Variants in ZMYM4 observed in about 807,000 individuals in gnomAD.
ZMYM4 encodes zinc finger MYM-type containing 4.
ZMYM4 carries 31 observed loss-of-function variants against 183.2 expected under a neutral mutation model. That is an observed-to-expected ratio of 0.17 (90% CI 0.13 to 0.23). ZMYM4 has a LOEUF of 0.23. ZMYM4 is among the 10% of genes least tolerant of loss of function. The pLI is 1.00. For missense variants in ZMYM4, 1,273 were observed against 1,840.3 expected (o/e 0.69, Z 5.64); for synonymous variants, 592 against 631.2 (o/e 0.94, Z 0.93).
At position 35,387,450 on chromosome 1, in the gene ZMYM4, G is replaced by A; in HGVS notation, c.2113-4G>A. ...ATTAGTACTTAATGATTATTTCTTT[G>A]CAGGGCAAAATGTTTCAGTTCTGTG... On this transcript the variant is annotated splice_polypyrimidine_tract_variant and splice_region_variant and intron_variant, in intron 12 of 29. Transcript: ENST00000314607. 1 of 1,600,466 alleles carries A rather than the reference G, an allele frequency of 6.2e-7. No individual in the cohort carries two copies. Among genetic ancestry groups the A allele is most frequent in the Non-Finnish European group, 8.5e-7 (1 of 1,175,286 alleles).
intron 7 of ZMYM4, among the ~76,000 whole-genome samples, chr1:35,379,523 G>T (rs928370247): frequency 6.6e-6 from 1 of 152,216 alleles, no homozygotes; most frequent in Non-Finnish European, 1.5e-5. Flanking sequence ...GGCGTGAGCC[G>T]CCACGCCCGG....
At chr1:35,274,873 A>G (rs958352600) in intron 1 of ZMYM4, among the ~76,000 whole-genome samples, 1 of 152,216 alleles carries the variant, frequency 6.6e-6, no homozygotes, top group Non-Finnish European at 1.5e-5. Context: ...TATGATGGCT[A>G]AATCAGGATC....
At chr1:35,297,431 C>T (rs1005902603) in intron 1 of ZMYM4, among the ~76,000 whole-genome samples, 1 of 150,428 alleles carries the variant, frequency 6.6e-6, no homozygotes, top group Admixed American at 6.7e-5. Flanking sequence ...GCTGAGGTTG[C>T]AGTGAGCCGA....
At chr1:35,331,793 A>AATAG (rs1553168584) in intron 2 of ZMYM4, among the ~76,000 whole-genome samples, 1 of 105,518 alleles carries the variant, frequency 9.5e-6, no homozygotes, top group Non-Finnish European at 2.1e-5. Context: ...CCATCTCAAA[A>AATAG]ATACATAAAT....
intron 9 of ZMYM4, among the ~76,000 whole-genome samples, chr1:35,382,004 G>T (rs745358543): frequency 6.6e-6 from 1 of 151,844 alleles, no homozygotes; most frequent in Non-Finnish European, 1.5e-5. Context: ...AATTAGCCAG[G>T]TGTGGTGGCA....
intron 2 of ZMYM4, among the ~76,000 whole-genome samples, chr1:35,328,772 C>A (rs1166766020): frequency 6.6e-6 from 1 of 151,940 alleles, no homozygotes; most frequent in South Asian, 2.1e-4. Flanking sequence ...GAACATAGAC[C>A]CCTATCCAGG....
chr1:35,387,358 C>T, intron 12 of ZMYM4, 80 bp downstream of exon 12: 1 of 1,573,756 alleles, frequency 6.4e-7, no homozygotes, highest in South Asian at 1.2e-5. Context: ...TTGCATCTCT[C>T]AAAATCATAC....
chr1:35,413,041 G>A (rs182654370), intron 26 of ZMYM4, among the ~76,000 whole-genome samples: 54 of 151,886 alleles, frequency 3.6e-4, no homozygotes, highest in Admixed American at 1.6e-3. Context: ...TCTGACCTGC[G>A]CCGTCAGTAC....
intron 1 of ZMYM4, among the ~76,000 whole-genome samples, chr1:35,272,382 G>A (rs1443855382): frequency 6.6e-6 from 1 of 152,260 alleles, no homozygotes; most frequent in East Asian, 1.9e-4. Context: ...GTTACTTAGG[G>A]TCATTTAGGA....
Position 35,407,819 on chromosome 1 carries a change from C to T in ZMYM4, c.3797-189C>T, listed in dbSNP as rs183725583. ...AAAGCCTCTATCATAGCACGTATTGCACCATATGCACTGGTCTTTATTTCC... is the reference window on the plus strand; with the variant it reads ...AAAGCCTCTATCATAGCACGTATTGTACCATATGCACTGGTCTTTATTTCC... On this transcript the variant is annotated intron_variant, in intron 25 of 29. Transcript: ENST00000314607. 1.6e-3 allele frequency among the ~76,000 whole-genome samples: 238 copies of T among 152,318 alleles called. 1 individual carries two copies. Among genetic ancestry groups the T allele is most frequent in the Non-Finnish European group, 2.5e-3 (168 of 68,022 alleles).
At chr1:35,377,601 A>C (rs761685071) in intron 7 of ZMYM4, among the ~76,000 whole-genome samples, 1 of 152,240 alleles carries the variant, frequency 6.6e-6, no homozygotes, top group Non-Finnish European at 1.5e-5. Context: ...AGTTCATATC[A>C]AAGTTGTGTT....
chr1:35,325,415 A>G lies in ZMYM4; in HGVS notation c.85+10A>G. On this transcript the variant is annotated intron_variant, in intron 2 of 29. Coordinates refer to ENST00000314607, the MANE Select transcript of ZMYM4 (RefSeq NM_005095.3). The stretch of plus-strand genomic sequence containing the variant: ...GAAATTGTAGAGAACTGTAAGTACC[A>G]TTTGAGAAAAAACAATCATGTCTTT... 6.3e-7 allele frequency: 1 copy of G among 1,599,404 alleles called. No individual in the cohort carries two copies. Among genetic ancestry groups the G allele is most frequent in the Non-Finnish European group, 8.5e-7 (1 of 1,173,014 alleles).
chr1:35,325,884 A>G (rs1158020484), intron 2 of ZMYM4, among the ~76,000 whole-genome samples: 1 of 152,172 alleles, frequency 6.6e-6, no homozygotes, highest in African/African-American at 2.4e-5. Context: ...TTTAACATAT[A>G]TATCTTTCCA....
Position 35,386,070 on chromosome 1 carries a change from T to C in ZMYM4, c.1721-4T>C, listed in dbSNP as rs1644568785. 6.2e-7 allele frequency: 1 copy of C among 1,605,776 alleles called. No individual in the cohort carries two copies. Among genetic ancestry groups the C allele is most frequent in the Non-Finnish European group, 8.5e-7 (1 of 1,173,550 alleles). ...CTCATTGGTTTTTATTTTGATTTGCTAAGGTGTACAAGTTCAGTGTAACAG... is the reference window on the plus strand; with the variant it reads ...CTCATTGGTTTTTATTTTGATTTGCCAAGGTGTACAAGTTCAGTGTAACAG... On this transcript the variant is annotated splice_polypyrimidine_tract_variant and splice_region_variant and intron_variant, in intron 10 of 29. Transcript: ENST00000314607.
chr1:35,378,891 GA>G (rs1209446533), intron 7 of ZMYM4, among the ~76,000 whole-genome samples: 1 of 152,192 alleles, frequency 6.6e-6, no homozygotes, highest in Non-Finnish European at 1.5e-5. Context: ...TGATGTTCCA[GA>G]GATAGCTTCT....
At chr1:35,416,526 A>C (rs1640119448) in intron 28 of ZMYM4, among the ~76,000 whole-genome samples, 1 of 152,094 alleles carries the variant, frequency 6.6e-6, no homozygotes, top group South Asian at 2.1e-4. Context: ...AGTTTTATAT[A>C]TATGTAACCC....
At chr1:35,368,653 A>G (rs181334656) in intron 5 of ZMYM4, among the ~76,000 whole-genome samples, 129 of 152,316 alleles carry the variant, frequency 8.5e-4, no homozygotes, top group African/African-American at 2.5e-3. Flanking sequence ...AACCTTTACT[A>G]TGTACCTTTT....
At chr1:35,413,721 G>A (rs1640003963) in intron 26 of ZMYM4, among the ~76,000 whole-genome samples, 3 of 152,164 alleles carry the variant, frequency 2.0e-5, no homozygotes, top group East Asian at 1.9e-4. Context: ...TGTACCATCC[G>A]TGTTTGAAAA....
chr1:35,364,873 G>A (rs531631300), intron 5 of ZMYM4, among the ~76,000 whole-genome samples: 1 of 152,108 alleles, frequency 6.6e-6, no homozygotes, highest in South Asian at 2.1e-4. Flanking sequence ...GTGCTGAAAT[G>A]TGTGTGTATG....
Sources: allele counts gnomAD v4.1 joint callset (sites outside exome capture counted in the v4.1 genomes callset), GRCh38; gene constraint gnomAD v4.1.1; transcripts MANE v1.5; gene names NCBI Gene and HGNC (gene_info 2026-07-23, HGNC 2026-07-21).